FAM135B: variants seen among roughly 807,000 people sequenced by gnomAD.
The protein encoded by FAM135B is protein FAM135B.
In FAM135B, 43 loss-of-function variants were observed where a neutral mutation model predicts 127.7. The observed-to-expected ratio is 0.34, with a 90% confidence interval of 0.26 to 0.43. The LOEUF (loss-of-function observed/expected upper bound fraction) is 0.43. Among genes scored for constraint, FAM135B ranks in the 20% least tolerant of loss-of-function variants. The pLI, the probability that FAM135B is intolerant of heterozygous loss-of-function variation, is 1.00. For synonymous variants in FAM135B, 670 were observed against 665.1 expected (o/e 1.01, Z -0.11); for missense variants, 1,558 against 1,725.6 (o/e 0.90, Z 1.72).
At chr8:138,305,267 T>C (rs1826160185) in intron 3 of FAM135B, among the ~76,000 whole-genome samples, 1 of 152,230 alleles carries the variant, frequency 6.6e-6, no homozygotes, top group Non-Finnish European at 1.5e-5. Flanking sequence ...ATCTTTTCTC[T>C]TGCTTTGATG....
intron 3 of FAM135B, chr8:138,308,855 C>A: frequency 3.6e-6 from 1 of 278,534 alleles, no homozygotes; most frequent in South Asian, 3.6e-5. Context: ...CTGGGCATGG[C>A]TTTCATCAGG....
chr8:138,314,693 C>CAATCAATAAATAAATAAATA (rs1826937940), intron 2 of FAM135B, among the ~76,000 whole-genome samples: 3 of 120,282 alleles, frequency 2.5e-5, no homozygotes, highest in Non-Finnish European at 3.5e-5. Flanking sequence ...CCCATCCCTA[C>CAATCAATAAATAAATAAATA]AATAAATAAA....
intron 1 of FAM135B, among the ~76,000 whole-genome samples, chr8:138,423,953 C>T (rs1203951590): frequency 6.6e-6 from 1 of 152,164 alleles, no homozygotes; most frequent in Non-Finnish European, 1.5e-5. Context: ...CTCCCATTTG[C>T]TTTTGAAAGA....
At chr8:138,460,333 G>A (rs1483837362) in intron 1 of FAM135B, among the ~76,000 whole-genome samples, 1 of 152,198 alleles carries the variant, frequency 6.6e-6, no homozygotes, top group Non-Finnish European at 1.5e-5. Flanking sequence ...CAACAACCCA[G>A]TGCTATGCTG....
intron 1 of FAM135B, among the ~76,000 whole-genome samples, chr8:138,399,268 G>A (rs2131357585): frequency 6.6e-6 from 1 of 152,140 alleles, no homozygotes; most frequent in African/African-American, 2.4e-5. Flanking sequence ...CCAACCCACA[G>A]CAACCCTATA....
intron 7 of FAM135B, among the ~76,000 whole-genome samples, chr8:138,206,352 G>GCTCTAT (rs1817598458): frequency 2.0e-4 from 8 of 39,498 alleles, no homozygotes; most frequent in South Asian, 8.2e-4. Flanking sequence ...CACAACTCCA[G>GCTCTAT]CATCCCCTCC....
intron 3 of FAM135B, among the ~76,000 whole-genome samples, chr8:138,286,478 T>C (rs1344032538): frequency 6.6e-6 from 1 of 152,224 alleles, no homozygotes; most frequent in Non-Finnish European, 1.5e-5. Context: ...TATCCACGTA[T>C]AGACGGCCTA....
intron 12 of FAM135B, among the ~76,000 whole-genome samples, chr8:138,161,462 G>A (rs991770096): frequency 6.6e-6 from 1 of 151,852 alleles, no homozygotes; most frequent in South Asian, 2.1e-4. Context: ...TGAAATAGTC[G>A]TGTGACATAT....
intron 3 of FAM135B, among the ~76,000 whole-genome samples, chr8:138,289,200 A>T (rs1365574118): frequency 6.6e-6 from 1 of 152,204 alleles, no homozygotes; most frequent in Non-Finnish European, 1.5e-5. Flanking sequence ...TCTTGCAGAC[A>T]GGTTGTCCAA....
rs748866563 is a variant in FAM135B, at chr8:138,152,698, T to G, written c.1777A>C (p.Ser593Arg). Reference protein sequence around the residue: ...DKYGLDRTGLSKVVVGGSHQN... With the variant: ...DKYGLDRTGLRKVVVGGSHQN... ...TGGCTTCCACCTACTACCACTTTGC[T>G]TAGCCCAGTCCTGTCTAATCCATAC... The change falls in exon 13 of 20, where the codon AGC becomes CGC. Residue 593 changes from serine (S) to arginine (R), a missense_variant. Ser to Arg is a moderately radical substitution (Grantham distance 110). This residue lies in a region of FAM135B where 923 missense variants were observed against 865.3 expected (regional missense o/e 1.07). Coordinates refer to ENST00000395297, the MANE Select transcript of FAM135B (RefSeq NM_015912.4). 1.9e-6 allele frequency: 3 copies of G among 1,614,102 alleles called. No individual in the cohort carries two copies. The highest frequency in any genetic ancestry group is 2.5e-6 in the Non-Finnish European group (3 of 1,180,040).
intron 9 of FAM135B, among the ~76,000 whole-genome samples, chr8:138,183,720 G>A (rs1013040197): frequency 2.0e-5 from 3 of 152,212 alleles, no homozygotes; most frequent in Non-Finnish European, 4.4e-5. Flanking sequence ...TTTGGACCAA[G>A]GGTGACGTGG....
At chr8:138,388,990 G>T (rs976926674) in intron 1 of FAM135B, among the ~76,000 whole-genome samples, 1 of 152,098 alleles carries the variant, frequency 6.6e-6, no homozygotes, top group African/African-American at 2.4e-5. Flanking sequence ...GGTCATACAG[G>T]TGTGGAGTCA....
At chr8:138,410,044 C>G (rs1833770197) in intron 1 of FAM135B, among the ~76,000 whole-genome samples, 1 of 152,100 alleles carries the variant, frequency 6.6e-6, no homozygotes, top group Non-Finnish European at 1.5e-5. Flanking sequence ...GAGACACTGT[C>G]AATATTTTAT....
chr8:138,352,341 T>C (rs1282660893), intron 2 of FAM135B, among the ~76,000 whole-genome samples: 1 of 152,250 alleles, frequency 6.6e-6, no homozygotes, highest in Non-Finnish European at 1.5e-5. Flanking sequence ...ATACATTGTA[T>C]GCATGTATCA....
At chr8:138,355,041 T>C (rs972180981) in intron 2 of FAM135B, among the ~76,000 whole-genome samples, 4 of 152,212 alleles carry the variant, frequency 2.6e-5, no homozygotes, top group Admixed American at 2.6e-4. Context: ...CCCCGGTGTG[T>C]GATGTTCCCC....
intron 12 of FAM135B, among the ~76,000 whole-genome samples, chr8:138,158,666 A>G (rs1819034421): frequency 6.6e-6 from 1 of 152,240 alleles, no homozygotes; most frequent in Admixed American, 6.5e-5. Flanking sequence ...GAAGACATTT[A>G]TGCAGCCAAC....
In FAM135B at chr8:138,434,807, C is replaced by T. The variant is rs115756669; in HGVS notation, c.-20+61864G>A. On this transcript the variant is annotated intron_variant, in intron 1 of 19. Transcript: ENST00000395297. ...CCTCTTACAGTTGACATGAAGCACACGGTTCAAGTAGGTGGGGGTACATGC... is the reference window on the plus strand; with the variant it reads ...CCTCTTACAGTTGACATGAAGCACATGGTTCAAGTAGGTGGGGGTACATGC... Among the ~76,000 whole-genome samples, 1,512 of 152,248 alleles carry T rather than the reference C, an allele frequency of 9.9e-3. 28 individuals carry two copies. The highest frequency in any genetic ancestry group is 0.034 in the African/African-American group (1,395 of 41,554).
At chr8:138,299,613 G>A (rs932923170) in intron 3 of FAM135B, among the ~76,000 whole-genome samples, 1 of 149,888 alleles carries the variant, frequency 6.7e-6, no homozygotes, top group African/African-American at 2.5e-5. Context: ...ACACACCCAC[G>A]ATCCAAATAT....
chr8:138,481,222 T>A (rs1312821804), intron 1 of FAM135B, among the ~76,000 whole-genome samples: 1 of 152,230 alleles, frequency 6.6e-6, no homozygotes, highest in African/African-American at 2.4e-5. Context: ...TTATGTCACA[T>A]GGTATCAGGC....
Sources: allele counts gnomAD v4.1 joint callset (sites outside exome capture counted in the v4.1 genomes callset), GRCh38; gene constraint gnomAD v4.1.1; regional missense constraint gnomAD v4.1.1; transcripts MANE v1.5; gene names NCBI Gene and HGNC (gene_info 2026-07-23, HGNC 2026-07-21).